RP1: variants seen among roughly 807,000 people sequenced by gnomAD.
RP1 encodes oxygen-regulated protein 1.
A neutral mutation model predicts 14.8 loss-of-function variants in RP1; 16 were observed. That is an observed-to-expected ratio of 1.08 (90% CI 0.73 to 1.65). The LOEUF is 1.65. Ranked by LOEUF, RP1 falls within the 40% of genes most tolerant of loss-of-function variation. RP1 has a pLI of 0.00. For synonymous variants in RP1, 876 were observed against 883.6 expected (o/e 0.99, Z 0.15); for missense variants, 2,631 against 2,535.0 (o/e 1.04, Z -0.81).
intron 24 of RP1, among the ~76,000 whole-genome samples, chr8:54,825,998 T>G (rs983615491): frequency 6.6e-6 from 1 of 151,936 alleles, no homozygotes; most frequent in African/African-American, 2.4e-5. Context: ...AGCCCAGAAA[T>G]TGGAAGCTGC....
chr8:54,847,489 G>A (rs542106476), intron 25 of RP1, among the ~76,000 whole-genome samples: 4 of 152,352 alleles, frequency 2.6e-5, no homozygotes, highest in African/African-American at 7.2e-5. Context: ...TTGGCAGATG[G>A]AATTCCAGTT....
At chr8:54,734,602 T>A in exon 18 of RP1, 3 of 1,535,542 alleles carry the variant, frequency 2.0e-6, no homozygotes, top group Non-Finnish European at 1.7e-6. Context: ...GAATGGAAGG[T>A]GTTAGTGCTG....
chr8:54,638,264 C>G (rs1162621298), intron 3 of RP1, among the ~76,000 whole-genome samples: 1 of 151,808 alleles, frequency 6.6e-6, no homozygotes, highest in Non-Finnish European at 1.5e-5. Context: ...ACAGTGAAAC[C>G]CTGTCTCTAC....
chr8:54,684,059 A>T (rs1349385685), intron 12 of RP1, among the ~76,000 whole-genome samples: 3 of 130,716 alleles, frequency 2.3e-5, no homozygotes, highest in Admixed American at 8.2e-5. Context: ...TTCTGTGTCT[A>T]TTGAGATAAT....
intron 24 of RP1, among the ~76,000 whole-genome samples, chr8:54,808,461 T>G (rs1409381148): frequency 2.0e-5 from 3 of 152,180 alleles, no homozygotes; most frequent in Non-Finnish European, 4.4e-5. Flanking sequence ...CTTTGAATAG[T>G]TGTGATTTAA....
At chr8:54,640,345 A>G (rs536411756) in intron 3 of RP1, among the ~76,000 whole-genome samples, 1 of 152,336 alleles carries the variant, frequency 6.6e-6, no homozygotes, top group Admixed American at 6.5e-5. Flanking sequence ...GTATGCCAAA[A>G]TATACCATCT....
intron 1 of RP1, among the ~76,000 whole-genome samples, chr8:54,589,051 C>G (rs1804990396): frequency 6.6e-6 from 1 of 152,088 alleles, no homozygotes; most frequent in Admixed American, 6.6e-5. Flanking sequence ...AGTCCTCACT[C>G]CTTTCACTCT....
intron 27 of RP1, among the ~76,000 whole-genome samples, chr8:54,860,654 C>T (rs996701234): frequency 3.9e-5 from 6 of 152,204 alleles, no homozygotes; most frequent in South Asian, 2.1e-4. Flanking sequence ...CCTCAGACTG[C>T]GTCCCCAGGG....
At chr8:54,849,016 C>A (rs747829103) in intron 25 of RP1, among the ~76,000 whole-genome samples, 1 of 152,052 alleles carries the variant, frequency 6.6e-6, no homozygotes, top group African/African-American at 2.4e-5. Flanking sequence ...CCCAAAGTCC[C>A]GGGATTACGG....
At chr8:54,642,701 C>A (rs1000547414) in intron 3 of RP1, among the ~76,000 whole-genome samples, 2 of 152,010 alleles carry the variant, frequency 1.3e-5, no homozygotes, top group African/African-American at 4.8e-5. Context: ...AGTTTGGCGT[C>A]GTTCTGAGTA....
chr8:54,639,534 T>C (rs1198846833), intron 3 of RP1, among the ~76,000 whole-genome samples: 1 of 152,186 alleles, frequency 6.6e-6, no homozygotes, highest in African/African-American at 2.4e-5. Context: ...CTACCAACAA[T>C]ATATGAGGAT....
chr8:54,779,362 T>C (rs1257071852), intron 23 of RP1, among the ~76,000 whole-genome samples: 1 of 152,196 alleles, frequency 6.6e-6, no homozygotes, highest in Non-Finnish European at 1.5e-5. Flanking sequence ...GGCAAGCAGA[T>C]GTGAAGAGTG....
Position 54,663,738 on chromosome 8 carries a change from G to A in RP1, c.1211G>A (p.Trp404Ter), listed in dbSNP as rs1255009834. 6.5e-7 allele frequency: 1 copy of A among 1,533,692 alleles called. No individual in the cohort carries two copies. The highest frequency in any genetic ancestry group is 2.0e-5 in the Admixed American group (1 of 50,594). Residue 404 changes from tryptophan to a stop codon, truncating the protein, a stop_gained, in exon 7 of 23, where the codon TGG becomes TAG. Transcript: ENST00000636932. LOFTEE classifies it high-confidence loss of function. ...GTGAATGTGGCAACGGGTGAGCTATGGAATGCTGGAACAGTAGCAAACGTC... is the reference window on the plus strand; with the variant it reads ...GTGAATGTGGCAACGGGTGAGCTATAGAATGCTGGAACAGTAGCAAACGTC...
At chr8:54,820,264 C>A (rs1203330672) in intron 24 of RP1, among the ~76,000 whole-genome samples, 1 of 151,970 alleles carries the variant, frequency 6.6e-6, no homozygotes, top group Non-Finnish European at 1.5e-5. Flanking sequence ...AGGGGTGAGG[C>A]AAGCACTCCC....
intron 21 of RP1, among the ~76,000 whole-genome samples, chr8:54,757,517 G>T (rs1809538197): frequency 6.6e-6 from 1 of 152,200 alleles, no homozygotes; most frequent in African/African-American, 2.4e-5. Context: ...GGCAGGAAAG[G>T]AGAAAAGCCA....
chr8:54,780,922 A>T, intron 23 of RP1: 6 of 985,204 alleles, frequency 6.1e-6, no homozygotes, highest in Non-Finnish European at 7.2e-6. Context: ...CAGAGCACAT[A>T]CTTCTCATTG....
At chr8:54,594,639 G>C (rs1489633354) in intron 1 of RP1, among the ~76,000 whole-genome samples, 3 of 152,276 alleles carry the variant, frequency 2.0e-5, no homozygotes, top group African/African-American at 7.2e-5. Context: ...TTGAAGCTCT[G>C]ATTACAATTC....
intron 21 of RP1, among the ~76,000 whole-genome samples, chr8:54,756,994 G>A (rs1055259487): frequency 6.6e-6 from 1 of 152,214 alleles, no homozygotes; most frequent in Non-Finnish European, 1.5e-5. Flanking sequence ...GAAGAGTACA[G>A]TGAGGGCTTA....
intron 24 of RP1, among the ~76,000 whole-genome samples, chr8:54,831,030 C>T (rs1312299159): frequency 1.3e-5 from 2 of 152,098 alleles, no homozygotes; most frequent in Middle Eastern, 6.8e-3. Flanking sequence ...AGCATACATC[C>T]GTACTTCACT....
Sources: gnomAD v4.1 joint callset for allele counts (sites outside exome capture counted in the v4.1 genomes callset) on GRCh38, gnomAD v4.1.1 for gene constraint, MANE v1.5 for transcripts, NCBI Gene and HGNC (gene_info 2026-07-23, HGNC 2026-07-21) for gene names.